The following LIPM variants were observed in gnomAD, a reference collection of about 807,000 sequenced individuals.
The protein encoded by LIPM is lipase family member M, also known as lipase member M.
In LIPM, 42 loss-of-function variants were observed where a neutral mutation model predicts 42.4. The observed-to-expected ratio is 0.99, with a 90% confidence interval of 0.77 to 1.28. The LOEUF (loss-of-function observed/expected upper bound fraction) is 1.28, where lower values mean the gene tolerates loss of function less well. Among genes scored for constraint, LIPM ranks in the 50% most tolerant of loss-of-function variants. The pLI is 0.00. For synonymous variants in LIPM, 177 were observed against 173.3 expected (o/e 1.02, Z -0.17); for missense variants, 524 against 520.1 (o/e 1.01, Z -0.07).
At chr10:88,817,010 A>T in intron 7 of LIPM, 123 bp downstream of exon 7, 1 of 735,146 alleles carries the variant, frequency 1.4e-6, no homozygotes. Context: ...GAAATGCAGT[A>T]TCGTCGATGC....
At chr10:88,803,619 GTTTTTTTTT>G (rs34653288) in intron 1 of LIPM, among the ~76,000 whole-genome samples, 1 of 122,106 alleles carries the variant, frequency 8.2e-6, no homozygotes, top group Admixed American at 8.8e-5. Context: ...TTCCCAGGAG[GTTTTTTTTT>G]TTTTTTTTTT....
chr10:88,819,246 C>A (rs913141098), intron 8 of LIPM, among the ~76,000 whole-genome samples: 9 of 152,128 alleles, frequency 5.9e-5, no homozygotes, highest in Non-Finnish European at 1.2e-4. Context: ...GAAATTGATT[C>A]ATGCAGAATA....
chr10:88,815,454 G>A lies in LIPM; in HGVS notation c.809G>A (p.Ser270Asn). ...CGQVILDQIC[S>N]NIMLLLGGFN... ...CAGGTGATTCTTGATCAGATTTGTA[G>A]TAATATCATGTTACTTCTGGGTGGA... The change falls in exon 6 of 9, where the codon AGT (serine) becomes AAT (asparagine). Residue 270 changes from serine (S) to asparagine (N), a missense_variant. Transcript: ENST00000404743. 1 of 1,551,436 alleles carries A rather than the reference G, an allele frequency of 6.4e-7. No individual in the cohort carries two copies. Among genetic ancestry groups the A allele is most frequent in the Non-Finnish European group, 8.7e-7 (1 of 1,146,830 alleles).
chr10:88,809,956 C>A (rs1454659721), intron 2 of LIPM, among the ~76,000 whole-genome samples: 2 of 152,288 alleles, frequency 1.3e-5, no homozygotes, highest in South Asian at 4.1e-4. Flanking sequence ...CCCTGGCCAC[C>A]CTATTCAAAG....
intron 6 of LIPM, among the ~76,000 whole-genome samples, chr10:88,816,164 A>G (rs1843716384): frequency 6.6e-6 from 1 of 152,186 alleles, no homozygotes; most frequent in South Asian, 2.1e-4. Context: ...ACACCATATC[A>G]GTCAGTCATT....
At chr10:88,817,274 A>C (rs1391559847) in intron 7 of LIPM, among the ~76,000 whole-genome samples, 1 of 152,208 alleles carries the variant, frequency 6.6e-6, no homozygotes, top group Non-Finnish European at 1.5e-5. Context: ...CAAAAGAGAT[A>C]TTCACAGGAG....
intron 1 of LIPM, among the ~76,000 whole-genome samples, chr10:88,804,946 C>T (rs1196882225): frequency 6.6e-6 from 1 of 152,200 alleles, no homozygotes; most frequent in Non-Finnish European, 1.5e-5. Flanking sequence ...GAATTCTTTC[C>T]TGGGCAAAGC....
intron 6 of LIPM, among the ~76,000 whole-genome samples, chr10:88,816,209 G>T (rs181873075): frequency 6.6e-6 from 1 of 152,104 alleles, no homozygotes. Context: ...GTAGCACTGG[G>T]CAATGTATCT....
chr10:88,808,585 C>T (rs372349464), intron 2 of LIPM, among the ~76,000 whole-genome samples, 170 bp downstream of exon 2: 3 of 152,102 alleles, frequency 2.0e-5, no homozygotes, highest in African/African-American at 4.8e-5. Context: ...CCACCGTGTC[C>T]GTCCCCACTG....
At chr10:88,808,466 G>A (rs773673284) in intron 2 of LIPM, 51 bp downstream of exon 2, 16 of 1,049,326 alleles carry the variant, frequency 1.5e-5, no homozygotes, top group Middle Eastern at 2.0e-4. Context: ...CTGCAGTCAC[G>A]ATTTCCTTGT....
chr10:88,813,022 A>G, intron 2 of LIPM, 75 bp from the exon 3 acceptor site: 1 of 1,252,298 alleles, frequency 8.0e-7, no homozygotes, highest in Non-Finnish European at 1.1e-6. Flanking sequence ...GTTTGATTTG[A>G]AAGCTCTTAT....
chr10:88,819,064 T>TG (rs1026356147), intron 8 of LIPM, among the ~76,000 whole-genome samples: 4 of 151,782 alleles, frequency 2.6e-5, no homozygotes, highest in African/African-American at 7.3e-5. Context: ...ATTTTTTTTT[T>TG]GTACTTTTAG....
intron 2 of LIPM, among the ~76,000 whole-genome samples, chr10:88,809,316 A>G (rs940957179): frequency 2.0e-5 from 3 of 152,142 alleles, no homozygotes; most frequent in African/African-American, 7.2e-5. Context: ...ACCCTTTTGT[A>G]TGTGGGATTT....
chr10:88,812,218 T>G (rs1287309662), intron 2 of LIPM, among the ~76,000 whole-genome samples: 2 of 152,230 alleles, frequency 1.3e-5, no homozygotes, highest in African/African-American at 4.8e-5. Flanking sequence ...TCTTTCTTGG[T>G]TCATCATATT....
chr10:88,809,784 CTTT>C (rs35806035), intron 2 of LIPM, among the ~76,000 whole-genome samples: 1 of 151,650 alleles, frequency 6.6e-6, no homozygotes, highest in African/African-American at 2.4e-5. Flanking sequence ...TTGAAACCAC[CTTT>C]TTTTTTCTCA....
chr10:88,813,261 C>T lies in LIPM; in HGVS notation c.430C>T (p.Leu144Phe). The T allele has an allele frequency of 6.2e-7, 1 of 1,611,250 alleles. No homozygotes were observed. Among genetic ancestry groups the T allele is most frequent in the South Asian group, 1.1e-5 (1 of 90,748 alleles). ...GNAWSRKHKTLSIDQDEFWAF... is the reference protein window; with the variant it reads ...GNAWSRKHKTFSIDQDEFWAF... ...CGCCTGGTCTCGAAAACACAAGACA[C>T]TCTCCATAGACCAAGATGAGTTCTG... Residue 144 changes from leucine (L) to phenylalanine (F), a missense_variant, in exon 3 of 9, where the codon CTC (leucine) becomes TTC (phenylalanine). Leu to Phe is a conservative substitution (Grantham distance 22, BLOSUM62 0). Transcript: ENST00000404743.
Position 88,820,418 on chromosome 10 carries a change from C to T in LIPM, c.1189C>T (p.His397Tyr), listed in dbSNP as rs1232237435. ...VDFIWGLDAP[H>Y]RMYNEIIHLM... ...TTTCATCTGGGGTTTGGATGCTCCT[C>T]ACCGTATGTACAATGAAATCATCCA... The change falls in exon 9 of 9, where the codon CAC becomes TAC. Residue 397 changes from histidine (H) to tyrosine (Y), a missense_variant. His to Tyr is a moderately conservative substitution (Grantham distance 83). Transcript: ENST00000404743. 1 of 1,552,120 alleles carries T rather than the reference C, an allele frequency of 6.4e-7. No homozygotes were observed. Among genetic ancestry groups the T allele is most frequent in the Non-Finnish European group, 8.7e-7 (1 of 1,147,040 alleles).
In LIPM at chr10:88,820,482, G is replaced by A. The variant is rs1442963658; in HGVS notation, c.1253G>A (p.Arg418Gln). The A allele has an allele frequency of 9.7e-6, 15 of 1,551,008 alleles. No homozygotes were observed. The Admixed American group carries it at 9.8e-5, about 10-fold the overall frequency. Residue 418 changes from arginine to glutamine, a missense_variant, in exon 9 of 9, where the codon CGG (arginine) becomes CAG (glutamine). Physicochemically the swap from Arg to Gln is conservative, Grantham distance 43. Transcript: ENST00000404743. ...QQEETNLSQG[R>Q]CEAVL The stretch of plus-strand genomic sequence containing the variant: ...GAGGAGACCAACCTTTCCCAGGGAC[G>A]GTGTGAGGCCGTATTGTGAAGCATC...
At chr10:88,809,671 T>C (rs550975280) in intron 2 of LIPM, among the ~76,000 whole-genome samples, 73 of 152,334 alleles carry the variant, frequency 4.8e-4, no homozygotes, top group Non-Finnish European at 9.4e-4. Context: ...TTATAGCCCG[T>C]GTTCTTAACT....
Sources: allele counts gnomAD v4.1 joint callset (sites outside exome capture counted in the v4.1 genomes callset), GRCh38; gene constraint gnomAD v4.1.1; transcripts MANE v1.5; gene names NCBI Gene and HGNC (gene_info 2026-07-23, HGNC 2026-07-21).